The following LAMC1 variants were observed in gnomAD, a reference collection of about 807,000 sequenced individuals.
LAMC1 encodes the protein laminin subunit gamma 1, also known as laminin subunit gamma-1.
A neutral mutation model predicts 173.6 loss-of-function variants in LAMC1; 38 were observed. The observed-to-expected ratio is 0.22, with a 90% CI of 0.17 to 0.29. The LOEUF (loss-of-function observed/expected upper bound fraction) is 0.29. LAMC1 is among the 10% of genes least tolerant of loss of function. The probability of loss-of-function intolerance (pLI) is 1.00; values close to 1 mark genes in which losing one functional copy is unlikely to be tolerated. For missense variants in LAMC1, 1,824 were observed against 2,051.8 expected (o/e 0.89, Z 2.14); for synonymous variants, 746 against 749.1 (o/e 1.00, Z 0.07).
At chr1:183,127,668 G>C (rs368267733) in intron 17 of LAMC1, among the ~76,000 whole-genome samples, 2 of 152,206 alleles carry the variant, frequency 1.3e-5, no homozygotes, top group African/African-American at 2.4e-5. Flanking sequence ...TTCATCTAAG[G>C]TGAGATCTGA....
intron 18 of LAMC1, among the ~76,000 whole-genome samples, chr1:183,129,107 A>C (rs1320744552): frequency 1.8e-5 from 1 of 55,616 alleles, no homozygotes; most frequent in Admixed American, 2.2e-4. Context: ...TTTTTTTTTG[A>C]GCCACAATCA....
chr1:183,127,197 T>A (rs745850046), intron 16 of LAMC1, 29 bp from the exon 17 acceptor site: 1 of 1,599,758 alleles, frequency 6.3e-7, no homozygotes, highest in Admixed American at 1.7e-5. Context: ...CTTTTGCTAA[T>A]TATGTATTAT....
chr1:183,108,258 A>G lies in LAMC1; in HGVS notation c.724-18A>G, dbSNP rs776466286. 8 of 1,610,204 alleles carry G rather than the reference A, an allele frequency of 5.0e-6. No homozygotes were observed. The highest frequency in any genetic ancestry group is 4.5e-5 in the East Asian group (2 of 44,734). ...CCCTCCACTTCTCTTTTATGTTTCT[A>G]TTTTTGCTTCCTGACAGGAATGGGT... On this transcript the variant is annotated intron_variant, in intron 2 of 27. Transcript: ENST00000258341.
intron 1 of LAMC1, among the ~76,000 whole-genome samples, chr1:183,082,366 C>T (rs547380806): frequency 7.5e-4 from 114 of 152,326 alleles, no homozygotes; most frequent in Non-Finnish European, 1.3e-3. Context: ...TGCATTCCCA[C>T]AAGCAATGAA....
At chr1:183,130,290 A>G (rs1329484661) in intron 18 of LAMC1, 54 bp from the exon 19 acceptor site, 41 of 1,452,656 alleles carry the variant, frequency 2.8e-5, no homozygotes, top group Non-Finnish European at 4.0e-5. Context: ...TTCATGTGAG[A>G]TGATATGATC....
chr1:183,073,263 A>G (rs1323368717), intron 1 of LAMC1, among the ~76,000 whole-genome samples: 3 of 152,248 alleles, frequency 2.0e-5, no homozygotes. Flanking sequence ...TCTGTGGGAC[A>G]AGAAAAAAAT....
rs138247851 is a variant in LAMC1 at position 183,023,599 on chromosome 1, A to C, written c.-118A>C. ...GAGCCGCCGCCACCGCCCGCGCCGGAGTCAGGCCCCTGGGCCCCCAGGCTC... is the reference window on the plus strand; with the variant it reads ...GAGCCGCCGCCACCGCCCGCGCCGGCGTCAGGCCCCTGGGCCCCCAGGCTC... On this transcript the variant is annotated 5_prime_UTR_variant, in exon 1 of 28. Coordinates refer to ENST00000258341, the MANE Select transcript of LAMC1 (RefSeq NM_002293.4). 8 of 748,936 alleles carry C rather than the reference A, an allele frequency of 1.1e-5. No homozygotes were observed. The highest frequency in any genetic ancestry group is 1.9e-5 in the African/African-American group (1 of 53,212). 46.4% of individuals were successfully genotyped at this position (748,936 alleles called of 1,614,324 possible). A position where few individuals can be genotyped will look rare whatever the true frequency, so the allele number is the denominator to read the frequency against.
chr1:183,039,050 C>A (rs996413903), intron 1 of LAMC1, among the ~76,000 whole-genome samples: 1 of 152,132 alleles, frequency 6.6e-6, no homozygotes, highest in Admixed American at 6.5e-5. Context: ...TAGACTCGTG[C>A]ATCTGTGCTA....
intron 1 of LAMC1, among the ~76,000 whole-genome samples, chr1:183,030,119 T>A (rs1446799695): frequency 6.6e-6 from 1 of 152,216 alleles, no homozygotes; most frequent in Non-Finnish European, 1.5e-5. Context: ...AAATTTTAGT[T>A]ACCCATAAAG....
intron 1 of LAMC1, among the ~76,000 whole-genome samples, chr1:183,076,090 C>A (rs1655114164): frequency 6.6e-6 from 1 of 152,174 alleles, no homozygotes; most frequent in African/African-American, 2.4e-5. Context: ...GCTCATAAAA[C>A]CTCATTCTGT....
At chr1:183,127,587 A>G (rs570219030) in intron 17 of LAMC1, among the ~76,000 whole-genome samples, 183 bp downstream of exon 17, 4 of 152,354 alleles carry the variant, frequency 2.6e-5, no homozygotes, top group South Asian at 4.1e-4. Context: ...AAACACTGAG[A>G]TAAGTGCCAG....
At chr1:183,080,656 T>C (rs1031118705) in intron 1 of LAMC1, among the ~76,000 whole-genome samples, 5 of 152,148 alleles carry the variant, frequency 3.3e-5, no homozygotes, top group Admixed American at 6.5e-5. Flanking sequence ...TGTTTTTTTT[T>C]TCCATACTCA....
Position 183,117,734 on chromosome 1 carries a change from C to T in LAMC1, c.1877+11C>T. ...GAAGTATGTCTTCAGGTAAGATAGC[C>T]TTCTTTGTAAAGTGAGACTTGACGA... is the stretch of plus-strand genomic sequence containing the variant. On this transcript the variant is annotated intron_variant, in intron 10 of 27. Transcript: ENST00000258341. 1 of 1,605,380 alleles carries T rather than the reference C, an allele frequency of 6.2e-7. No homozygotes were observed. Among genetic ancestry groups the T allele is most frequent in the Non-Finnish European group, 8.5e-7 (1 of 1,173,520 alleles).
chr1:183,142,636 C>A lies in LAMC1; in HGVS notation c.4676C>A (p.Ser1559Tyr), dbSNP rs1339825594. 6.2e-7 allele frequency: 1 copy of A among 1,614,134 alleles called. No individual in the cohort carries two copies. The highest frequency in any genetic ancestry group is 1.7e-5 in the Admixed American group (1 of 60,012). The change falls in exon 28 of 28, where the codon TCT becomes TAT. Residue 1559 changes from serine to tyrosine, a missense_variant. Transcript: ENST00000258341. ...MKVSDLDRKV[S>Y]DLENEAKKQE... is the part of the protein sequence containing the mutation. ...GTCAGCGATCTTGATAGGAAAGTGT[C>A]TGACCTGGAGAATGAAGCCAAGAAG... is the stretch of plus-strand genomic sequence containing the variant.
In LAMC1 at chr1:183,128,745, T is replaced by C; in HGVS notation, c.3275T>C (p.Val1092Ala). ...GACCTCCTTCGTGAGGCCCAGGATGTCAAAGGTACGCATGATTGAACAGTG... is the reference window on the plus strand; with the variant it reads ...GACCTCCTTCGTGAGGCCCAGGATGCCAAAGGTACGCATGATTGAACAGTG... ...VMDLLREAQD[V>A]KDVDQNLMDR... The change falls in exon 18 of 28, where the codon GTC becomes GCC. Residue 1092 changes from valine to alanine, a missense_variant. By Grantham distance (64) the Val-to-Ala change is moderately conservative (BLOSUM62 0). Transcript: ENST00000258341. 6.2e-7 allele frequency: 1 copy of C among 1,612,524 alleles called. No homozygotes were observed. The highest frequency in any genetic ancestry group is 8.5e-7 in the Non-Finnish European group (1 of 1,178,972).
intron 1 of LAMC1, among the ~76,000 whole-genome samples, chr1:183,027,090 T>G (rs1214335133): frequency 6.6e-6 from 1 of 152,186 alleles, no homozygotes; most frequent in Non-Finnish European, 1.5e-5. Flanking sequence ...CAAATCTGAT[T>G]ATTGTGCCTG....
intron 16 of LAMC1, among the ~76,000 whole-genome samples, chr1:183,126,703 T>G (rs919869673): frequency 6.6e-6 from 1 of 152,236 alleles, no homozygotes; most frequent in Non-Finnish European, 1.5e-5. Flanking sequence ...AACATCTGCT[T>G]CTCCTTGGCA....
Position 183,131,359 on chromosome 1 carries a change from G to A in LAMC1, c.3547G>A (p.Ala1183Thr), listed in dbSNP as rs369629357. Residue 1183 changes from alanine (A) to threonine (T), a missense_variant, in exon 20 of 28, where the codon GCT becomes ACT. Ala to Thr is a moderately conservative substitution (Grantham distance 58). Coordinates refer to ENST00000258341, the MANE Select transcript of LAMC1 (RefSeq NM_002293.4). ...CAACATGACTCTTTTGGCAGAAGAG[G>A]CTCGAAAGCTTGCTGAACGGTAACT... Reference protein sequence around the residue: ...PNNMTLLAEEARKLAERHKQE... With the variant: ...PNNMTLLAEETRKLAERHKQE... 1.1e-5 allele frequency: 18 copies of A among 1,613,286 alleles called. No homozygotes were observed. Among genetic ancestry groups the A allele is most frequent in the Middle Eastern group, 3.3e-4 (2 of 6,058 alleles).
intron 23 of LAMC1, 89 bp from the exon 24 acceptor site, chr1:183,134,953 G>A: frequency 7.4e-7 from 1 of 1,348,688 alleles, no homozygotes; most frequent in Non-Finnish European, 1.1e-6. Flanking sequence ...GCAAGTCTCA[G>A]GGTGGCACCT....
Sources: gnomAD v4.1 joint callset for allele counts (sites outside exome capture counted in the v4.1 genomes callset) on GRCh38, gnomAD v4.1.1 for gene constraint, MANE v1.5 for transcripts, NCBI Gene and HGNC (gene_info 2026-07-23, HGNC 2026-07-21) for gene names.